The following RANBP9 variants were observed in gnomAD, a reference collection of about 807,000 sequenced individuals.
RANBP9 encodes RAN binding protein 9.
Under a neutral mutation model 84.3 loss-of-function variants are expected in RANBP9, and 15 were observed. The ratio of observed to expected loss-of-function variants is 0.18; its 90% CI spans 0.12 to 0.27. The LOEUF is 0.27. Among genes scored for constraint, RANBP9 ranks in the 10% least tolerant of loss-of-function variants. RANBP9 has a pLI of 1.00. For synonymous variants in RANBP9, 392 were observed against 349.6 expected (o/e 1.12, Z -1.35); for missense variants, 809 against 912.8 (o/e 0.89, Z 1.46).
At chr6:13,638,129 CTTAA>C (rs1764983921) in intron 9 of RANBP9, among the ~76,000 whole-genome samples, 174 bp from the exon 10 acceptor site, 1 of 152,156 alleles carries the variant, frequency 6.6e-6, no homozygotes, top group African/African-American at 2.4e-5. Flanking sequence ...ATTGTGAGAT[CTTAA>C]TTATTACCTC....
chr6:13,646,738 C>CAAAT (rs1255176460), intron 5 of RANBP9, among the ~76,000 whole-genome samples: 1 of 151,860 alleles, frequency 6.6e-6, no homozygotes, highest in Non-Finnish European at 1.5e-5. Context: ...ATGGCAAAGA[C>CAAAT]AAATGACTCT....
chr6:13,659,310 A>G (rs1190633816), intron 2 of RANBP9, among the ~76,000 whole-genome samples: 1 of 151,828 alleles, frequency 6.6e-6, no homozygotes, highest in Non-Finnish European at 1.5e-5. Context: ...ATATGGATTC[A>G]TATTTGGAAA....
chr6:13,705,529 A>C (rs1758086337), intron 1 of RANBP9, among the ~76,000 whole-genome samples: 1 of 151,708 alleles, frequency 6.6e-6, no homozygotes, highest in Admixed American at 6.6e-5. Context: ...CTAATTTCCC[A>C]AAATCTTGGC....
chr6:13,693,989 G>A (rs1414183224), intron 2 of RANBP9, among the ~76,000 whole-genome samples: 1 of 152,106 alleles, frequency 6.6e-6, no homozygotes, highest in Non-Finnish European at 1.5e-5. Context: ...GTTGCAGTGA[G>A]CCAAGACTGC....
At chr6:13,662,544 G>A (rs1765557215) in intron 2 of RANBP9, among the ~76,000 whole-genome samples, 1 of 152,128 alleles carries the variant, frequency 6.6e-6, no homozygotes, top group Non-Finnish European at 1.5e-5. Context: ...GGTCATGAAG[G>A]CTCCACCCTC....
At chr6:13,674,496 T>G (rs1210327370) in intron 2 of RANBP9, among the ~76,000 whole-genome samples, 2 of 152,222 alleles carry the variant, frequency 1.3e-5, no homozygotes, top group Non-Finnish European at 2.9e-5. Flanking sequence ...CGTGATCAAC[T>G]CAGTATAGTA....
intron 2 of RANBP9, among the ~76,000 whole-genome samples, chr6:13,675,959 T>A (rs928853467): frequency 6.6e-6 from 1 of 152,018 alleles, no homozygotes; most frequent in Non-Finnish European, 1.5e-5. Context: ...AAAATCTGAA[T>A]ATGCCTCTAT....
intron 2 of RANBP9, among the ~76,000 whole-genome samples, chr6:13,674,444 C>G (rs1459903151): frequency 6.6e-6 from 1 of 152,128 alleles, no homozygotes; most frequent in African/African-American, 2.4e-5. Flanking sequence ...GATCAAGGAT[C>G]AATTATCAAA....
At chr6:13,634,298 A>C in intron 11 of RANBP9, 133 bp downstream of exon 11, 2 of 1,098,816 alleles carry the variant, frequency 1.8e-6, no homozygotes, top group South Asian at 3.5e-5. Flanking sequence ...AGTGCTATGC[A>C]TTACTGTCAA....
chr6:13,632,560 A>G lies in RANBP9; in HGVS notation c.1796-39T>C, dbSNP rs200925696. On this transcript the variant is annotated intron_variant, in intron 11 of 13. Coordinates refer to ENST00000011619, the MANE Select transcript of RANBP9 (RefSeq NM_005493.3). ...AGACAAGTATTTTACTACCTTATGG[A>G]ATGGAGTATAATGAGGACACGAACA... The G allele has an allele frequency of 1.4e-5, 21 of 1,551,476 alleles. No individual in the cohort carries two copies. In the East Asian group the frequency reaches 4.3e-4, roughly 32 times the overall value.
chr6:13,694,406 T>A (rs1238592935), intron 2 of RANBP9, among the ~76,000 whole-genome samples: 1 of 152,230 alleles, frequency 6.6e-6, no homozygotes, highest in East Asian at 1.9e-4. Flanking sequence ...CTTAAAAGGC[T>A]ACAAACTATA....
chr6:13,648,417 C>T (rs1481793920), intron 5 of RANBP9, among the ~76,000 whole-genome samples: 2 of 151,974 alleles, frequency 1.3e-5, no homozygotes, highest in Non-Finnish European at 2.9e-5. Context: ...GAATTACAGG[C>T]GTGAGCCACC....
chr6:13,649,281 A>G (rs529089118), intron 5 of RANBP9, among the ~76,000 whole-genome samples: 10 of 152,216 alleles, frequency 6.6e-5, no homozygotes, highest in Non-Finnish European at 1.5e-4. Flanking sequence ...AAAGTTGCAC[A>G]TGATCATTGG....
intron 1 of RANBP9, among the ~76,000 whole-genome samples, chr6:13,706,420 C>T (rs1003249317): frequency 2.6e-5 from 4 of 151,440 alleles, no homozygotes; most frequent in Non-Finnish European, 5.9e-5. Flanking sequence ...TCTGGCTGGG[C>T]ACTGTGGCTC....
At chr6:13,636,088 T>G (rs537756338) in intron 10 of RANBP9, among the ~76,000 whole-genome samples, 1 of 152,118 alleles carries the variant, frequency 6.6e-6, no homozygotes, top group African/African-American at 2.4e-5. Flanking sequence ...CATCTGAACT[T>G]GAATTTTCTC....
At chr6:13,634,868 A>G (rs1294392318) in intron 10 of RANBP9, among the ~76,000 whole-genome samples, 1 of 151,954 alleles carries the variant, frequency 6.6e-6, no homozygotes, top group Non-Finnish European at 1.5e-5. Context: ...TCAGATCTGT[A>G]CGTCTTCGTT....
chr6:13,621,596 G>A lies in RANBP9; in HGVS notation c.*766C>T, dbSNP rs963793086. 2 of 152,544 alleles carry A rather than the reference G, an allele frequency of 1.3e-5. No individual in the cohort carries two copies. Among genetic ancestry groups the A allele is most frequent in the Non-Finnish European group, 2.9e-5 (2 of 68,020 alleles). The allele number at this position is 152,544 out of a possible 1,614,324, so 9.4% of individuals were successfully genotyped here. On this transcript the variant is annotated 3_prime_UTR_variant, in exon 14 of 14. Coordinates refer to ENST00000011619, the MANE Select transcript of RANBP9 (RefSeq NM_005493.3). ...CACTTAAAAATGGAAGGTGTACAAA[G>A]ATTAAATTAAGACACGGTAAATTGA...
chr6:13,645,902 C>G (rs926294922), intron 5 of RANBP9, among the ~76,000 whole-genome samples: 1 of 152,096 alleles, frequency 6.6e-6, no homozygotes, highest in Non-Finnish European at 1.5e-5. Context: ...ACCGTTCAAT[C>G]AAGCAGAACA....
At chr6:13,639,531 A>G (rs761835286) in intron 9 of RANBP9, 32 bp downstream of exon 9, 69 of 1,556,192 alleles carry the variant, frequency 4.4e-5, no homozygotes, top group Non-Finnish European at 6.1e-5. Context: ...AAGAGGAAAA[A>G]TCTAAAAATA....
Sources: allele counts gnomAD v4.1 joint callset (sites outside exome capture counted in the v4.1 genomes callset), GRCh38; gene constraint gnomAD v4.1.1; transcripts MANE v1.5; gene names NCBI Gene and HGNC (gene_info 2026-07-23, HGNC 2026-07-21).